NCALD: variants seen among roughly 807,000 people sequenced by gnomAD.
NCALD encodes neurocalcin-delta.
Under a neutral mutation model 18.6 loss-of-function variants are expected in NCALD, and 10 were observed. The ratio of observed to expected loss-of-function variants is 0.54; its 90% CI spans 0.33 to 0.91. The LOEUF (loss-of-function observed/expected upper bound fraction) is 0.91, where lower values mean the gene tolerates loss of function less well. Ranked by LOEUF, NCALD falls within the 40% of genes least tolerant of loss-of-function variation. The pLI, the probability that NCALD is intolerant of heterozygous loss-of-function variation, is 0.03. For missense variants in NCALD, 184 were observed against 247.6 expected, an observed-to-expected ratio of 0.74 and a Z score of 1.72; for synonymous variants, 88 against 87.4, an observed-to-expected ratio of 1.01 and a Z score of -0.04.
At chr8:101,842,999 C>A (rs1814707050) in intron 4 of NCALD, among the ~76,000 whole-genome samples, 1 of 152,182 alleles carries the variant, frequency 6.6e-6, no homozygotes, top group South Asian at 2.1e-4. Flanking sequence ...TTGTACACAG[C>A]CATCCCCATG....
chr8:101,865,366 T>C (rs1815726712), intron 4 of NCALD, among the ~76,000 whole-genome samples: 1 of 152,226 alleles, frequency 6.6e-6, no homozygotes, highest in Non-Finnish European at 1.5e-5. Flanking sequence ...GGGCTATTGC[T>C]AGCCTCTCTC....
intron 4 of NCALD, among the ~76,000 whole-genome samples, chr8:101,833,507 C>G (rs1814270594): frequency 6.6e-6 from 1 of 151,750 alleles, no homozygotes; most frequent in Non-Finnish European, 1.5e-5. Flanking sequence ...TAGGACTGTT[C>G]ATGGTTTAGT....
chr8:101,885,778 A>T (rs944116974), intron 4 of NCALD, among the ~76,000 whole-genome samples: 4 of 152,240 alleles, frequency 2.6e-5, no homozygotes, highest in African/African-American at 9.6e-5. Context: ...CATAGTGATT[A>T]TCCACACCTC....
At chr8:101,872,181 T>C in intron 4 of NCALD, 3 of 1,601,762 alleles carry the variant, frequency 1.9e-6, no homozygotes, top group Non-Finnish European at 2.6e-6. Flanking sequence ...AGAGGGGAAT[T>C]CCTCGTTTGC....
rs1295045674 is a variant in NCALD, at chr8:101,689,029, C to T, written c.*280G>A. ...CGAGTCTTACGTTTTAGAACAGAGA[C>T]ATTAGAATAAAAAAAAATAATAGTA... On this transcript the variant is annotated 3_prime_UTR_variant, in exon 4 of 4. Coordinates refer to ENST00000220931, the MANE Select transcript of NCALD (RefSeq NM_032041.3). This position sits in a 1 kb window ranked among gnomAD's most constrained non-coding sequence, Gnocchi z 4.4. The T allele has an allele frequency of 1.3e-5, 9 of 699,886 alleles. No homozygotes were observed. The highest frequency in any genetic ancestry group is 8.1e-5 in the Admixed American group (4 of 49,188). 43.4% of individuals were successfully genotyped at this position (699,886 alleles called of 1,614,324 possible). A position where few individuals can be genotyped will look rare whatever the true frequency, so the allele number is the denominator to read the frequency against.
chr8:101,807,076 A>C (rs1813130128), intron 4 of NCALD, among the ~76,000 whole-genome samples: 1 of 152,124 alleles, frequency 6.6e-6, no homozygotes, highest in African/African-American at 2.4e-5. Flanking sequence ...TTCAAAAATG[A>C]AGGCAAAAAT....
At chr8:101,952,345 C>T (rs1041424730) in intron 2 of NCALD, among the ~76,000 whole-genome samples, 16 of 152,210 alleles carry the variant, frequency 1.1e-4, no homozygotes, top group African/African-American at 3.9e-4. Context: ...GCCTCTTCTC[C>T]GCCAAGCTCT....
chr8:101,938,381 G>C (rs1818838396), intron 2 of NCALD, among the ~76,000 whole-genome samples: 1 of 152,218 alleles, frequency 6.6e-6, no homozygotes, highest in East Asian at 1.9e-4. Context: ...TCAGAGGTTT[G>C]GAAGTCCTCC....
At chr8:101,757,890 C>G (rs1288963345) in intron 1 of NCALD, among the ~76,000 whole-genome samples, 6 of 152,246 alleles carry the variant, frequency 3.9e-5, no homozygotes, top group Admixed American at 3.9e-4. Context: ...GCTATTTTAA[C>G]AATTTTTTTA....
chr8:101,983,046 C>A (rs1820681363), intron 2 of NCALD, among the ~76,000 whole-genome samples: 1 of 152,110 alleles, frequency 6.6e-6, no homozygotes, highest in Admixed American at 6.5e-5. Flanking sequence ...AAGAAATAAG[C>A]CACAGTGTGA....
chr8:102,061,863 T>G (rs1823861608), intron 1 of NCALD, among the ~76,000 whole-genome samples: 1 of 152,200 alleles, frequency 6.6e-6, no homozygotes, highest in Non-Finnish European at 1.5e-5. Context: ...CAAAACTTTG[T>G]ATAAAGCAAA....
At chr8:102,040,581 C>T (rs992321412) in intron 1 of NCALD, among the ~76,000 whole-genome samples, 3 of 152,112 alleles carry the variant, frequency 2.0e-5, no homozygotes, top group South Asian at 4.1e-4. Flanking sequence ...GGAAAGAACA[C>T]CCACTCAGCC....
At chr8:101,735,177 T>C (rs1817019741) in intron 1 of NCALD, among the ~76,000 whole-genome samples, 1 of 152,114 alleles carries the variant, frequency 6.6e-6, no homozygotes, top group Admixed American at 6.5e-5. Flanking sequence ...ATAAATCAGG[T>C]AATAAACAAA....
intron 2 of NCALD, among the ~76,000 whole-genome samples, chr8:101,921,346 C>A (rs945475146): frequency 4.0e-5 from 6 of 150,858 alleles, no homozygotes; most frequent in African/African-American, 1.5e-4. Context: ...AATAAATATG[C>A]AATTGTTTGG....
intron 1 of NCALD, among the ~76,000 whole-genome samples, chr8:102,088,662 G>A (rs958961719): frequency 2.0e-5 from 3 of 151,982 alleles, no homozygotes; most frequent in Admixed American, 2.0e-4. Context: ...CAAAATCTAA[G>A]GCTTTGTTCT....
chr8:101,861,824 T>C (rs1324163716), intron 4 of NCALD, among the ~76,000 whole-genome samples: 1 of 152,174 alleles, frequency 6.6e-6, no homozygotes, highest in Non-Finnish European at 1.5e-5. Context: ...TCACCAAAAG[T>C]AGGTGCCTTG....
chr8:101,927,577 G>A (rs1305950047), intron 2 of NCALD, among the ~76,000 whole-genome samples: 1 of 152,196 alleles, frequency 6.6e-6, no homozygotes, highest in African/African-American at 2.4e-5. Flanking sequence ...GCCCAGAGAT[G>A]GGAAAGGGTG....
chr8:101,839,509 T>C (rs1268103420), intron 4 of NCALD, among the ~76,000 whole-genome samples: 1 of 151,964 alleles, frequency 6.6e-6, no homozygotes, highest in Non-Finnish European at 1.5e-5. Context: ...AAAGGGTGAC[T>C]TACGGAGCCT....
At chr8:101,777,007 G>A (rs1811819688) in intron 1 of NCALD, among the ~76,000 whole-genome samples, 1 of 152,034 alleles carries the variant, frequency 6.6e-6, no homozygotes. Flanking sequence ...CAGCCCTTTG[G>A]GAACAATTTC....
Sources: allele counts gnomAD v4.1 joint callset (sites outside exome capture counted in the v4.1 genomes callset), GRCh38; gene constraint gnomAD v4.1.1; non-coding constraint Gnocchi (gnomAD v3.1); transcripts MANE v1.5; gene names NCBI Gene and HGNC (gene_info 2026-07-23, HGNC 2026-07-21).